PKHD1L1: variants seen among roughly 807,000 people sequenced by gnomAD.
The protein encoded by PKHD1L1 is PKHD1 like 1.
In PKHD1L1, 434 loss-of-function variants were observed where a neutral mutation model predicts 462.9. The ratio of observed to expected loss-of-function variants is 0.94; its 90% CI spans 0.87 to 1.02. PKHD1L1 has a LOEUF of 1.02. PKHD1L1 is among the 50% of genes least tolerant of loss of function. The pLI, the probability that PKHD1L1 is intolerant of heterozygous loss-of-function variation, is 0.00. For synonymous variants in PKHD1L1, 1,781 were observed against 1,750.0 expected (o/e 1.02, Z -0.44); for missense variants, 5,202 against 5,096.1 (o/e 1.02, Z -0.63).
rs543817355 is a variant in PKHD1L1 at position 109,535,892 on chromosome 8, T to C, written c.*5802T>C. The stretch of plus-strand genomic sequence containing the variant: ...AAATAAATATCCCATGAGTAGTACA[T>C]AAAAGCCTGGAGAGAGAGGGGAAGG... On this transcript the variant is annotated 3_prime_UTR_variant, in exon 78 of 78. Transcript: ENST00000378402. Among the ~76,000 whole-genome samples the C allele has an allele frequency of 6.6e-6, 1 of 152,260 alleles. No homozygotes were observed. The highest frequency in any genetic ancestry group is 1.9e-4 in the East Asian group (1 of 5,178).
At chr8:109,499,528 T>C (rs987340376) in intron 67 of PKHD1L1, among the ~76,000 whole-genome samples, 1 of 152,232 alleles carries the variant, frequency 6.6e-6, no homozygotes, top group African/African-American at 2.4e-5. Context: ...TAGGTTGTAA[T>C]TGAACATATA....
chr8:109,527,149 T>A, intron 77 of PKHD1L1, 129 bp downstream of exon 77: 1 of 786,590 alleles, frequency 1.3e-6, no homozygotes, highest in South Asian at 1.8e-5. Flanking sequence ...ACAGCCTCAA[T>A]AGCAGAGACA....
chr8:109,470,061 T>G, intron 50 of PKHD1L1: 1 of 415,852 alleles, frequency 2.4e-6, no homozygotes, highest in Non-Finnish European at 4.3e-6. Context: ...AAGATACACT[T>G]TTTCAGAAAC....
rs1209977137 is a variant in PKHD1L1 at position 109,533,984 on chromosome 8, T to C, written c.*3894T>C. Among the ~76,000 whole-genome samples the C allele has an allele frequency of 6.6e-6, 1 of 152,236 alleles. No homozygotes were observed. Among genetic ancestry groups the C allele is most frequent in the Non-Finnish European group, 1.5e-5 (1 of 68,040 alleles). On this transcript the variant is annotated 3_prime_UTR_variant, in exon 78 of 78. Coordinates refer to ENST00000378402, the MANE Select transcript of PKHD1L1 (RefSeq NM_177531.6). ...TACCAGCCCTTGCTCCTTTAGGGTT[T>C]CATTGTTATTTGGTGGTTATCCTAA... is the stretch of plus-strand genomic sequence containing the variant.
intron 4 of PKHD1L1, 33 bp downstream of exon 4, chr8:109,382,604 A>G (rs778064962): frequency 6.5e-7 from 1 of 1,543,854 alleles, no homozygotes; most frequent in Admixed American, 1.9e-5. Context: ...GTTTATGTAT[A>G]GTTGATCTTG....
At chr8:109,400,847 T>A (rs1168210309) in intron 13 of PKHD1L1, among the ~76,000 whole-genome samples, 1 of 152,122 alleles carries the variant, frequency 6.6e-6, no homozygotes, top group Non-Finnish European at 1.5e-5. Flanking sequence ...GACTTTTCTG[T>A]ATTTGGGGTT....
Position 109,405,135 on chromosome 8 carries a change from G to C in PKHD1L1, c.1669+5G>C, listed in dbSNP as rs374645653. On this transcript the variant is annotated splice_donor_5th_base_variant and intron_variant, in intron 16 of 77. Coordinates refer to ENST00000378402, the MANE Select transcript of PKHD1L1 (RefSeq NM_177531.6). Reference sequence around the variant, plus strand: ...TCTATAATATGGAAAAAACTGGTAAGTTATAAATAATAAGGGAGATACTGT... The same window carrying C: ...TCTATAATATGGAAAAAACTGGTAACTTATAAATAATAAGGGAGATACTGT... The C allele has an allele frequency of 4.2e-6, 6 of 1,418,928 alleles. No homozygotes were observed. Among genetic ancestry groups the C allele is most frequent in the Middle Eastern group, 1.9e-4 (1 of 5,258 alleles). 87.9% of individuals were successfully genotyped at this position (1,418,928 alleles called of 1,614,324 possible).
In PKHD1L1 at chr8:109,438,020, AG is replaced by A. The variant is rs139430890; in HGVS notation, c.3628-303del. Among the ~76,000 whole-genome samples the A allele has an allele frequency of 5.4e-3, 822 of 152,302 alleles. 11 individuals carry two copies. The highest frequency in any genetic ancestry group is 0.018 in the African/African-American group (751 of 41,580). ...ACTTTAGTATCTAATGCTTTATCAG[AG>A]AATCACTTCTCCAGAGCATCTCAAC... On this transcript the variant is annotated intron_variant, in intron 30 of 77. Transcript: ENST00000378402.
intron 47 of PKHD1L1, among the ~76,000 whole-genome samples, chr8:109,460,438 T>C (rs1169956486): frequency 6.6e-6 from 1 of 151,984 alleles, no homozygotes; most frequent in African/African-American, 2.4e-5. Context: ...GGGGGGAAAA[T>C]CTATAGATAT....
Position 109,404,561 on chromosome 8 carries a change from A to C in PKHD1L1, c.1381A>C (p.Ile461Leu). The stretch of plus-strand genomic sequence containing the variant: ...AGTTACTCTATTTTCCAGATACTAT[A>C]TTGAAATCTTGCTGCAGGAGTACAG... Reference protein sequence around the residue: ...IHLQKGKEYYIEILLQEYRLS... With the variant: ...IHLQKGKEYYLEILLQEYRLS... Residue 461 changes from isoleucine (I) to leucine (L), a missense_variant, in exon 15 of 78, where the codon ATT becomes CTT. Coordinates refer to ENST00000378402, the MANE Select transcript of PKHD1L1 (RefSeq NM_177531.6). 1 of 1,553,708 alleles carries C rather than the reference A, an allele frequency of 6.4e-7. No homozygotes were observed. The highest frequency in any genetic ancestry group is 1.4e-5 in the African/African-American group (1 of 72,824).
At chr8:109,512,268 C>T (rs1820031567) in intron 71 of PKHD1L1, among the ~76,000 whole-genome samples, 1 of 151,900 alleles carries the variant, frequency 6.6e-6, no homozygotes, top group South Asian at 2.1e-4. Flanking sequence ...GAAGTCCTTG[C>T]CCATGTCTAT....
At chr8:109,450,929 A>C (rs1816452683) in intron 40 of PKHD1L1, 46 bp from the exon 41 acceptor site, 2 of 1,519,102 alleles carry the variant, frequency 1.3e-6, no homozygotes, top group Admixed American at 2.0e-5. Flanking sequence ...GAAATGAATC[A>C]GGGCCCGATG....
intron 41 of PKHD1L1, among the ~76,000 whole-genome samples, chr8:109,451,728 T>C (rs1219413660): frequency 6.6e-6 from 1 of 152,190 alleles, no homozygotes; most frequent in Non-Finnish European, 1.5e-5. Context: ...ATGATTACCT[T>C]GAACTTGCAT....
chr8:109,384,298 G>T (rs1459712342), intron 5 of PKHD1L1, among the ~76,000 whole-genome samples, 171 bp downstream of exon 5: 2 of 151,944 alleles, frequency 1.3e-5, no homozygotes, highest in Admixed American at 1.3e-4. Context: ...CAGCATTTGG[G>T]GAGGCCAAAA....
intron 25 of PKHD1L1, among the ~76,000 whole-genome samples, chr8:109,428,133 T>C (rs2130681448): frequency 6.6e-6 from 1 of 152,132 alleles, no homozygotes; most frequent in East Asian, 1.9e-4. Flanking sequence ...GGACAACCTT[T>C]TGGGAAGATA....
chr8:109,524,550 A>G (rs993454945), intron 76 of PKHD1L1, among the ~76,000 whole-genome samples: 3 of 152,146 alleles, frequency 2.0e-5, no homozygotes, highest in Admixed American at 1.3e-4. Flanking sequence ...AAAAGAACCA[A>G]CCTTGTGACT....
intron 34 of PKHD1L1, 113 bp downstream of exon 34, chr8:109,441,492 T>C (rs971103617): frequency 3.0e-5 from 22 of 730,388 alleles, no homozygotes; most frequent in Non-Finnish European, 4.8e-5. Context: ...TGTTATTTCT[T>C]TTATAATTTG....
intron 33 of PKHD1L1, among the ~76,000 whole-genome samples, chr8:109,441,065 G>A (rs547508412): frequency 1.2e-3 from 176 of 152,038 alleles, no homozygotes; most frequent in Middle Eastern, 3.4e-3. Flanking sequence ...ATGTGTATGC[G>A]ACATATAGAG....
At chr8:109,527,525 G>GTAAA (rs979025322) in intron 77 of PKHD1L1, among the ~76,000 whole-genome samples, 6 of 152,106 alleles carry the variant, frequency 3.9e-5, no homozygotes, top group South Asian at 2.1e-4. Context: ...AAATACGTAT[G>GTAAA]TAAATAAATA....
Sources: allele counts gnomAD v4.1 joint callset (sites outside exome capture counted in the v4.1 genomes callset), GRCh38; gene constraint gnomAD v4.1.1; transcripts MANE v1.5; gene names NCBI Gene and HGNC (gene_info 2026-07-23, HGNC 2026-07-21).